Variants in ADGRB3 observed in about 807,000 individuals in gnomAD.
ADGRB3 encodes the protein brain-specific angiogenesis inhibitor 3.
A neutral mutation model predicts 193.4 loss-of-function variants in ADGRB3; 37 were observed. The ratio of observed to expected loss-of-function variants is 0.19; its 90% CI spans 0.15 to 0.25. ADGRB3 has a LOEUF of 0.25. Among genes scored for constraint, ADGRB3 ranks in the 10% least tolerant of loss-of-function variants. The probability of loss-of-function intolerance (pLI) is 1.00; values close to 1 mark genes in which losing one functional copy is unlikely to be tolerated. For synonymous variants in ADGRB3, 690 were observed against 644.2 expected (o/e 1.07, Z -1.08); for missense variants, 1,637 against 1,852.9 (o/e 0.88, Z 2.14).
chr6:69,268,362 C>A (rs1767094341), intron 20 of ADGRB3, among the ~76,000 whole-genome samples: 1 of 152,120 alleles, frequency 6.6e-6, no homozygotes, highest in South Asian at 2.1e-4. Flanking sequence ...CCTCAAAGAA[C>A]CTGCTTCTTT....
intron 20 of ADGRB3, among the ~76,000 whole-genome samples, chr6:69,247,091 T>A (rs887373518): frequency 6.6e-6 from 1 of 152,178 alleles, no homozygotes; most frequent in African/African-American, 2.4e-5. Context: ...CTAACTTTCC[T>A]CTGCAACTAA....
intron 3 of ADGRB3, among the ~76,000 whole-genome samples, chr6:68,837,208 G>C (rs556115374): frequency 6.6e-6 from 1 of 152,268 alleles, no homozygotes; most frequent in African/African-American, 2.4e-5. Context: ...AGGCTTACCT[G>C]AAGTATAGGA....
At chr6:68,838,233 C>T (rs952584400) in intron 3 of ADGRB3, among the ~76,000 whole-genome samples, 3 of 152,072 alleles carry the variant, frequency 2.0e-5, no homozygotes, top group African/African-American at 7.2e-5. Flanking sequence ...CCAATGTCTC[C>T]TCAAATGAGG....
intron 17 of ADGRB3, among the ~76,000 whole-genome samples, chr6:69,141,822 T>G (rs1774349941): frequency 6.6e-6 from 1 of 152,224 alleles, no homozygotes; most frequent in African/African-American, 2.4e-5. Flanking sequence ...TATGACCAAG[T>G]TCAAGTGCTC....
chr6:69,121,523 C>T (rs1165585462), intron 17 of ADGRB3, among the ~76,000 whole-genome samples: 11 of 151,660 alleles, frequency 7.3e-5, no homozygotes, highest in Admixed American at 2.6e-4. Context: ...GCTGTCTCTT[C>T]GGAGCTGTTG....
intron 26 of ADGRB3, among the ~76,000 whole-genome samples, chr6:69,341,486 C>A (rs1768972778): frequency 6.6e-6 from 1 of 152,088 alleles, no homozygotes; most frequent in Admixed American, 6.6e-5. Context: ...CAATGAAAAC[C>A]AATTAACAGT....
intron 3 of ADGRB3, among the ~76,000 whole-genome samples, chr6:68,811,321 TCAAA>T (rs1767508404): frequency 6.6e-6 from 1 of 152,170 alleles, no homozygotes; most frequent in African/African-American, 2.4e-5. Context: ...ACATGCATAT[TCAAA>T]CAAACAAAAG....
At chr6:69,315,093 T>A (rs1183132208) in intron 20 of ADGRB3, among the ~76,000 whole-genome samples, 1 of 151,588 alleles carries the variant, frequency 6.6e-6, no homozygotes, top group Non-Finnish European at 1.5e-5. Flanking sequence ...CATCTATTTA[T>A]TTGTCACACA....
chr6:69,010,915 T>G (rs1271211324), intron 11 of ADGRB3, among the ~76,000 whole-genome samples: 1 of 151,990 alleles, frequency 6.6e-6, no homozygotes, highest in Non-Finnish European at 1.5e-5. Flanking sequence ...ATTATCACCA[T>G]TAATGGAGTT....
chr6:69,073,589 C>G (rs1008134103), intron 16 of ADGRB3, among the ~76,000 whole-genome samples: 34 of 152,270 alleles, frequency 2.2e-4, no homozygotes, highest in African/African-American at 7.5e-4. Flanking sequence ...AGTTTCCACC[C>G]CAGGAGAGAA....
chr6:69,286,368 C>A (rs999589602), intron 20 of ADGRB3, among the ~76,000 whole-genome samples: 1 of 152,140 alleles, frequency 6.6e-6, no homozygotes, highest in Non-Finnish European at 1.5e-5. Context: ...CTTTCTCCCC[C>A]CTTAATCCTG....
intron 8 of ADGRB3, among the ~76,000 whole-genome samples, chr6:68,960,775 A>G (rs577973775): frequency 1.1e-3 from 171 of 152,252 alleles, no homozygotes; most frequent in Non-Finnish European, 2.0e-3. Flanking sequence ...GCTTGTTAAA[A>G]CACAGATTCC....
chr6:69,040,698 A>AAAAAAAAAAAAC (rs1771035426), intron 13 of ADGRB3, among the ~76,000 whole-genome samples: 3 of 145,246 alleles, frequency 2.1e-5, no homozygotes, highest in Admixed American at 6.9e-5. Context: ...AAAAAAAAAA[A>AAAAAAAAAAAAC]AAAAAAAAAA....
At position 69,227,307 on chromosome 6, in the gene ADGRB3, A is replaced by T. The variant is rs377049763; in HGVS notation, c.2481-5983A>T. On this transcript the variant is annotated intron_variant, in intron 17 of 31. Transcript: ENST00000370598. ...GGAAGCCAATGAGAGACCAGATAGTATAATTCCTTGTAGACCATTGTAAGG... is the reference window on the plus strand; with the variant it reads ...GGAAGCCAATGAGAGACCAGATAGTTTAATTCCTTGTAGACCATTGTAAGG... 1.2e-4 allele frequency among the ~76,000 whole-genome samples: 19 copies of T among 152,324 alleles called. No individual in the cohort carries two copies. The East Asian group carries it at 2.7e-3, about 22-fold the overall frequency.
intron 3 of ADGRB3, among the ~76,000 whole-genome samples, chr6:68,799,208 C>T (rs1767267801): frequency 1.3e-5 from 2 of 152,178 alleles, no homozygotes; most frequent in South Asian, 4.2e-4. Flanking sequence ...CATACACTCA[C>T]AAGCATAAAC....
intron 12 of ADGRB3, among the ~76,000 whole-genome samples, chr6:69,015,983 T>C (rs1321236887): frequency 6.6e-6 from 1 of 151,960 alleles, no homozygotes; most frequent in African/African-American, 2.4e-5. Context: ...TGAAAATTCA[T>C]ATGTCTCTAG....
intron 3 of ADGRB3, among the ~76,000 whole-genome samples, chr6:68,879,446 T>G (rs886120045): frequency 1.3e-5 from 2 of 152,026 alleles, no homozygotes; most frequent in Non-Finnish European, 2.9e-5. Flanking sequence ...GCCAGGATGG[T>G]TTCGATCTCC....
At chr6:69,147,353 A>C (rs150345711) in intron 17 of ADGRB3, among the ~76,000 whole-genome samples, 204 of 152,042 alleles carry the variant, frequency 1.3e-3, no homozygotes, top group African/African-American at 4.8e-3. Flanking sequence ...TTCCATTATC[A>C]TTTGTTTCAA....
intron 3 of ADGRB3, among the ~76,000 whole-genome samples, chr6:68,859,033 A>C (rs1765073164): frequency 6.6e-6 from 1 of 151,086 alleles, no homozygotes. Context: ...TCAAGCTGTA[A>C]GTTTGCAAAC....
Sources: gnomAD v4.1 joint callset for allele counts (sites outside exome capture counted in the v4.1 genomes callset) on GRCh38, gnomAD v4.1.1 for gene constraint, MANE v1.5 for transcripts, NCBI Gene and HGNC (gene_info 2026-07-23, HGNC 2026-07-21) for gene names.